SATB1: variants seen among roughly 807,000 people sequenced by gnomAD.
SATB1 encodes the protein SATB homeobox 1, also known as DNA-binding protein SATB1.
In SATB1, 11 loss-of-function variants were observed where a neutral mutation model predicts 86.9. That is an observed-to-expected ratio of 0.13 (90% CI 0.08 to 0.21). The LOEUF is 0.21. Ranked by LOEUF, SATB1 falls within the 10% of genes least tolerant of loss-of-function variation. The pLI, the probability that SATB1 is intolerant of heterozygous loss-of-function variation, is 1.00. For synonymous variants in SATB1, 357 were observed against 357.2 expected (o/e 1.00, Z 0.01); for missense variants, 551 against 937.6 (o/e 0.59, Z 5.39).
upstream of SATB1, among the ~76,000 whole-genome samples, chr3:18,440,045 AAAACTT>A (rs1559470633): frequency 6.6e-6 from 1 of 152,204 alleles, no homozygotes; most frequent in Non-Finnish European, 1.5e-5. Flanking sequence ...AACTCCATTA[AAAACTT>A]AAACATTCCA....
chr3:18,351,465 G>A (rs1694359353), intron 10 of SATB1: 3 of 1,331,122 alleles, frequency 2.3e-6, no homozygotes, highest in Admixed American at 2.0e-5. Context: ...GTAAAGTGTG[G>A]GGAGACAGCT....
chr3:18,408,217 A>G (rs1697645807), intron 5 of SATB1, among the ~76,000 whole-genome samples: 1 of 152,016 alleles, frequency 6.6e-6, no homozygotes, highest in African/African-American at 2.4e-5. Context: ...TCAGAGTAAG[A>G]ATGAGAGAAA....
At chr3:18,417,144 G>T in intron 2 of SATB1, 66 bp from the exon 3 acceptor site, 1 of 1,513,396 alleles carries the variant, frequency 6.6e-7, no homozygotes, top group Non-Finnish European at 9.0e-7. Context: ...CTTGGGGGTG[G>T]CGGGAGGAAA....
chr3:18,351,883 T>C, intron 10 of SATB1, 109 bp downstream of exon 10: 1 of 1,016,084 alleles, frequency 9.8e-7, no homozygotes, highest in African/African-American at 1.6e-5. Context: ...TATCTCTTGC[T>C]AAAAAGCCTA....
chr3:18,382,108 A>G (rs1696094517), intron 8 of SATB1, among the ~76,000 whole-genome samples: 1 of 152,214 alleles, frequency 6.6e-6, no homozygotes, highest in Admixed American at 6.5e-5. Context: ...CCTATGTTTC[A>G]TTATATCGTA....
At chr3:18,432,813 A>C (rs1023203187) in intron 2 of SATB1, among the ~76,000 whole-genome samples, 1 of 152,060 alleles carries the variant, frequency 6.6e-6, no homozygotes, top group Non-Finnish European at 1.5e-5. Context: ...CAAAAAAAAA[A>C]AAACAAAAGC....
chr3:18,423,071 C>A (rs1281964705), intron 1 of SATB1, among the ~76,000 whole-genome samples: 1 of 152,168 alleles, frequency 6.6e-6, no homozygotes, highest in East Asian at 1.9e-4. Context: ...TATGCCCGGG[C>A]TAAAGTTCAC....
At chr3:18,362,353 G>A (rs1217525932) in intron 9 of SATB1, among the ~76,000 whole-genome samples, 2 of 152,030 alleles carry the variant, frequency 1.3e-5, no homozygotes, top group Non-Finnish European at 1.5e-5. Context: ...ACACTTCAAC[G>A]AGTGAAATGT....
At chr3:18,362,134 G>T (rs1694931822) in intron 9 of SATB1, among the ~76,000 whole-genome samples, 1 of 151,992 alleles carries the variant, frequency 6.6e-6, no homozygotes, top group Admixed American at 6.6e-5. Context: ...TCTTGAATTT[G>T]TTCCTTCTTT....
intron 9 of SATB1, among the ~76,000 whole-genome samples, chr3:18,364,677 T>G (rs867575060): frequency 1.3e-5 from 2 of 151,158 alleles, no homozygotes; most frequent in Non-Finnish European, 2.9e-5. Context: ...CATAAACGTG[T>G]GTGTGTATAC....
upstream of SATB1, among the ~76,000 whole-genome samples, chr3:18,441,947 T>C (rs569896615): frequency 6.6e-6 from 1 of 152,308 alleles, no homozygotes; most frequent in South Asian, 2.1e-4. Context: ...TTGTCGTTCT[T>C]AAGATGCTGG....
At chr3:18,414,704 G>A (rs143613502) in intron 5 of SATB1, among the ~76,000 whole-genome samples, 10 of 152,058 alleles carry the variant, frequency 6.6e-5, no homozygotes, top group Non-Finnish European at 1.5e-4. Flanking sequence ...CAGATAGCAC[G>A]GTGAAGTTTT....
At chr3:18,431,557 G>A (rs1698891684) in intron 2 of SATB1, among the ~76,000 whole-genome samples, 1 of 152,176 alleles carries the variant, frequency 6.6e-6, no homozygotes, top group South Asian at 2.1e-4. Flanking sequence ...GGCTGAGGAT[G>A]AGGAGAAGAC....
intron 9 of SATB1, among the ~76,000 whole-genome samples, chr3:18,354,530 T>C (rs1559391065): frequency 6.6e-6 from 1 of 152,156 alleles, no homozygotes; most frequent in Non-Finnish European, 1.5e-5. Flanking sequence ...ATGCTAAACA[T>C]TGAGCATCCA....
intron 9 of SATB1, among the ~76,000 whole-genome samples, chr3:18,367,939 C>T (rs1158676172): frequency 6.6e-6 from 1 of 152,166 alleles, no homozygotes; most frequent in Non-Finnish European, 1.5e-5. Context: ...TGCATGCTGG[C>T]TTATCCCTAA....
chr3:18,412,239 G>A (rs1413583945), intron 5 of SATB1, among the ~76,000 whole-genome samples: 2 of 152,062 alleles, frequency 1.3e-5, no homozygotes, highest in South Asian at 2.1e-4. Context: ...AGGAGCCTAG[G>A]AAGGATAATC....
intron 5 of SATB1, among the ~76,000 whole-genome samples, chr3:18,405,806 G>A (rs1204602496): frequency 6.6e-6 from 1 of 151,962 alleles, no homozygotes; most frequent in African/African-American, 2.4e-5. Context: ...CTAAACCGCA[G>A]CTTTGATTTC....
At chr3:18,382,823 A>C (rs1029670261) in intron 8 of SATB1, among the ~76,000 whole-genome samples, 141 of 152,328 alleles carry the variant, frequency 9.3e-4, no homozygotes, top group African/African-American at 3.1e-3. Context: ...TCCAAGTTTC[A>C]CTTTTCCCTT....
chr3:18,421,934 T>C (rs1698418359), intron 1 of SATB1, among the ~76,000 whole-genome samples: 1 of 151,796 alleles, frequency 6.6e-6, no homozygotes, highest in South Asian at 2.1e-4. Context: ...TGCAATGGCA[T>C]TAACATTGTA....
Sources: gnomAD v4.1 joint callset for allele counts (sites outside exome capture counted in the v4.1 genomes callset) on GRCh38, gnomAD v4.1.1 for gene constraint, MANE v1.5 for transcripts, NCBI Gene and HGNC (gene_info 2026-07-23, HGNC 2026-07-21) for gene names.